The following PTPRD variants were observed in gnomAD, a reference collection of about 807,000 sequenced individuals.
PTPRD encodes receptor-type tyrosine-protein phosphatase delta.
A neutral mutation model predicts 214.5 loss-of-function variants in PTPRD; 34 were observed. The ratio of observed to expected loss-of-function variants is 0.16; its 90% confidence interval spans 0.12 to 0.21. The LOEUF (loss-of-function observed/expected upper bound fraction) is 0.21, where lower values mean the gene tolerates loss of function less well. Ranked by LOEUF, PTPRD falls within the 10% of genes least tolerant of loss-of-function variation. The pLI, the probability that PTPRD is intolerant of heterozygous loss-of-function variation, is 1.00. For missense variants in PTPRD, 2,545 were observed against 2,398.7 expected (o/e 1.06, Z -1.27); for synonymous variants, 1,128 against 845.7 (o/e 1.33, Z -5.79).
chr9:8,326,627 T>C (rs1266973231), intron 44 of PTPRD, among the ~76,000 whole-genome samples: 1 of 150,638 alleles, frequency 6.6e-6, no homozygotes, highest in East Asian at 2.0e-4. Flanking sequence ...TTGTTTGCAA[T>C]AGTTTCAGAA....
intron 2 of PTPRD, among the ~76,000 whole-genome samples, chr9:10,405,661 G>C (rs948983688): frequency 1.5e-4 from 23 of 151,588 alleles, no homozygotes; most frequent in Admixed American, 1.3e-3. Context: ...AAATTTTGTA[G>C]TGATCCAATA....
At chr9:10,047,066 A>G (rs145500975) in intron 3 of PTPRD, among the ~76,000 whole-genome samples, 2 of 152,054 alleles carry the variant, frequency 1.3e-5, no homozygotes, top group African/African-American at 4.8e-5. Context: ...ATCTTGTATG[A>G]CAAAGAATGA....
intron 8 of PTPRD, among the ~76,000 whole-genome samples, chr9:9,446,327 A>G (rs1333114): frequency 0.5 from 75,988 of 151,948 alleles, 19,218 homozygotes; most frequent in East Asian, 0.68. Context: ...CTCTTCACAG[A>G]TAAAACAAGG....
At chr9:8,496,639 T>A (rs578096896) in intron 26 of PTPRD, among the ~76,000 whole-genome samples, 1 of 152,330 alleles carries the variant, frequency 6.6e-6, no homozygotes, top group East Asian at 1.9e-4. Flanking sequence ...CAGCCACTTC[T>A]AGTTAGAGTT....
At chr9:8,454,653 G>T in intron 33 of PTPRD, 3 of 1,574,158 alleles carry the variant, frequency 1.9e-6, no homozygotes, top group Admixed American at 1.7e-5. Flanking sequence ...TTGGCCAATG[G>T]TAACAAGGAT....
chr9:8,555,458 T>G (rs2083443365), intron 14 of PTPRD, among the ~76,000 whole-genome samples: 1 of 152,240 alleles, frequency 6.6e-6, no homozygotes, highest in Admixed American at 6.5e-5. Context: ...CAACCACATG[T>G]TAGCTTTGGG....
intron 3 of PTPRD, among the ~76,000 whole-genome samples, chr9:10,284,205 A>G (rs961443425): frequency 6.6e-6 from 1 of 152,200 alleles, no homozygotes; most frequent in Non-Finnish European, 1.5e-5. Flanking sequence ...CCTGTGTGAC[A>G]GAGACCCCAT....
intron 3 of PTPRD, among the ~76,000 whole-genome samples, chr9:10,303,504 A>G (rs2095939242): frequency 6.6e-6 from 1 of 152,162 alleles, no homozygotes; most frequent in African/African-American, 2.4e-5. Flanking sequence ...AACAAAATAG[A>G]TAGACCACTA....
At chr9:10,476,593 C>A (rs1376342752) in intron 2 of PTPRD, among the ~76,000 whole-genome samples, 1 of 152,076 alleles carries the variant, frequency 6.6e-6, no homozygotes, top group Non-Finnish European at 1.5e-5. Flanking sequence ...TATGCTATTC[C>A]CATCAAGCTA....
At chr9:10,471,235 T>A (rs2184682) in intron 2 of PTPRD, among the ~76,000 whole-genome samples, 3 of 151,954 alleles carry the variant, frequency 2.0e-5, no homozygotes, top group Admixed American at 6.6e-5. Context: ...CCATGGCATG[T>A]GTATACCTAT....
At chr9:9,193,566 G>A (rs1166544348) in intron 9 of PTPRD, among the ~76,000 whole-genome samples, 2 of 152,110 alleles carry the variant, frequency 1.3e-5, no homozygotes, top group Admixed American at 1.3e-4. Flanking sequence ...TTTCTCCTAG[G>A]CTACACGCCT....
intron 26 of PTPRD, among the ~76,000 whole-genome samples, chr9:8,494,190 G>T (rs972118779): frequency 2.0e-5 from 3 of 151,542 alleles, no homozygotes; most frequent in Non-Finnish European, 4.4e-5. Context: ...AATACAGTAG[G>T]TTTTTTTTTA....
intron 11 of PTPRD, among the ~76,000 whole-genome samples, chr9:8,849,572 G>C (rs910689014): frequency 1.3e-5 from 2 of 152,142 alleles, no homozygotes; most frequent in African/African-American, 4.8e-5. Context: ...AATAGCACTT[G>C]AACTGAGCAT....
intron 10 of PTPRD, among the ~76,000 whole-genome samples, chr9:9,024,582 A>T (rs1409635740): frequency 6.6e-6 from 1 of 151,754 alleles, no homozygotes; most frequent in Non-Finnish European, 1.5e-5. Context: ...ACTGAAGCTA[A>T]TAGTAGATAT....
intron 8 of PTPRD, among the ~76,000 whole-genome samples, chr9:9,535,376 T>A (rs992955597): frequency 6.6e-6 from 1 of 152,090 alleles, no homozygotes; most frequent in Non-Finnish European, 1.5e-5. Flanking sequence ...AAAGACAGCA[T>A]AACACATGAA....
intron 3 of PTPRD, among the ~76,000 whole-genome samples, chr9:10,112,610 G>A (rs886942385): frequency 1.3e-5 from 2 of 152,268 alleles, no homozygotes; most frequent in South Asian, 2.1e-4. Context: ...TGCCCAGGCC[G>A]TGGAGGAGGC....
At chr9:8,514,082 C>A (rs1000429499) in intron 21 of PTPRD, among the ~76,000 whole-genome samples, 2 of 151,998 alleles carry the variant, frequency 1.3e-5, no homozygotes, top group African/African-American at 4.8e-5. Flanking sequence ...AGTAGAGTCC[C>A]CAGCTCACAG....
rs2099953888 is a variant in PTPRD, at chr9:9,218,695, G to A, written c.-202-35332C>T. 2.0e-5 allele frequency among the ~76,000 whole-genome samples: 3 copies of A among 152,080 alleles called. No individual in the cohort carries two copies. The South Asian group carries it at 6.2e-4, about 31-fold the overall frequency. ...GGGACAGGTAAGACTGGTGAGCACTGCAACTAAATCTGGGACTTTTGTGTG... is the reference window on the plus strand; with the variant it reads ...GGGACAGGTAAGACTGGTGAGCACTACAACTAAATCTGGGACTTTTGTGTG... On this transcript the variant is annotated intron_variant, in intron 9 of 45. Transcript: ENST00000381196.
intron 2 of PTPRD, among the ~76,000 whole-genome samples, chr9:10,428,664 T>C (rs904768078): frequency 2.0e-5 from 3 of 152,016 alleles, no homozygotes; most frequent in Non-Finnish European, 4.4e-5. Flanking sequence ...ATATAAAGAA[T>C]CAAAATTACT....
Sources: allele counts gnomAD v4.1 joint callset (sites outside exome capture counted in the v4.1 genomes callset), GRCh38; gene constraint gnomAD v4.1.1; transcripts MANE v1.5; gene names NCBI Gene and HGNC (gene_info 2026-07-23, HGNC 2026-07-21).